The following STARD3NL variants were observed in gnomAD, a reference collection of about 807,000 sequenced individuals.
STARD3NL encodes the protein STARD3 N-terminal-like protein.
In STARD3NL, 17 loss-of-function variants were observed where a neutral mutation model predicts 30.9. The ratio of observed to expected loss-of-function variants is 0.55; its 90% confidence interval spans 0.38 to 0.82. The LOEUF is 0.82. Ranked by LOEUF, STARD3NL falls within the 40% of genes least tolerant of loss-of-function variation. The pLI, the probability that STARD3NL is intolerant of heterozygous loss-of-function variation, is 0.00. For synonymous variants in STARD3NL, 112 were observed against 100.5 expected, an observed-to-expected ratio of 1.11 and a Z score of -0.69; for missense variants, 234 against 277.6, an observed-to-expected ratio of 0.84 and a Z score of 1.12.
At chr7:38,212,417 T>G (rs1204255463) in intron 2 of STARD3NL, among the ~76,000 whole-genome samples, 1 of 152,250 alleles carries the variant, frequency 6.6e-6, no homozygotes, top group Non-Finnish European at 1.5e-5. Flanking sequence ...AGTATCAGTT[T>G]AAATGTCTTC....
chr7:38,200,325 A>T (rs993289694), intron 1 of STARD3NL, among the ~76,000 whole-genome samples: 4 of 152,076 alleles, frequency 2.6e-5, no homozygotes, highest in Non-Finnish European at 5.9e-5. Flanking sequence ...GTCTGCCCTT[A>T]ACCTGCTGTG....
chr7:38,181,602 ATCTTTT>A (rs1784248631), intron 1 of STARD3NL, among the ~76,000 whole-genome samples: 1 of 152,182 alleles, frequency 6.6e-6, no homozygotes, highest in Non-Finnish European at 1.5e-5. Flanking sequence ...AATAGAATTT[ATCTTTT>A]TCTTTAGAAT....
chr7:38,230,351 A>T lies in STARD3NL; in HGVS notation c.*446A>T, dbSNP rs766035620. On this transcript the variant is annotated 3_prime_UTR_variant, in exon 9 of 9. Coordinates refer to ENST00000009041, the MANE Select transcript of STARD3NL (RefSeq NM_032016.4). Reference sequence around the variant, plus strand: ...CACTCTACATTTCCCTTGTTTTTTAACTCATGCACATGTGCTCTTTGTACA... The same window carrying T: ...CACTCTACATTTCCCTTGTTTTTTATCTCATGCACATGTGCTCTTTGTACA... 4.1e-4 allele frequency: 63 copies of T among 152,462 alleles called. 2 individuals are homozygous for T. Among genetic ancestry groups the T allele is most frequent in the Non-Finnish European group, 8.8e-5 (6 of 68,004 alleles). The allele number at this position is 152,462 out of a possible 1,614,324, so 9.4% of individuals were successfully genotyped here. A position where few individuals can be genotyped will look rare whatever the true frequency, so the allele number is the denominator to read the frequency against.
rs1364271592 is a variant in STARD3NL at position 38,229,986 on chromosome 7, G to A, written c.*81G>A. On this transcript the variant is annotated 3_prime_UTR_variant, in exon 9 of 9. Coordinates refer to ENST00000009041, the MANE Select transcript of STARD3NL (RefSeq NM_032016.4). ...AGGCAGGCAGTGGAGTCTCCCTGTC[G>A]ACAGTAAAGTTGAAATGGTGACGTC... 3.3e-5 allele frequency: 5 copies of A among 152,586 alleles called. No homozygotes were observed. Among genetic ancestry groups the A allele is most frequent in the East Asian group, 1.9e-4 (1 of 5,196 alleles). 9.5% of individuals were successfully genotyped at this position (152,586 alleles called of 1,614,324 possible).
At chr7:38,222,386 C>T (rs1786520577) in intron 7 of STARD3NL, among the ~76,000 whole-genome samples, 2 of 152,104 alleles carry the variant, frequency 1.3e-5, no homozygotes, top group Non-Finnish European at 2.9e-5. Context: ...GTTTCTAAAA[C>T]AGTAAAAACT....
At chr7:38,184,419 T>C (rs927145697) in intron 1 of STARD3NL, among the ~76,000 whole-genome samples, 1 of 151,758 alleles carries the variant, frequency 6.6e-6, no homozygotes, top group Non-Finnish European at 1.5e-5. Context: ...GAAGCATGGC[T>C]CGGCTTTTGG....
rs1491554179 is a variant in STARD3NL at position 38,216,482 on chromosome 7, TGA to T, written c.382-541_382-540del. On this transcript the variant is annotated intron_variant, in intron 4 of 8. Transcript: ENST00000009041. ...CTGTGTGTGTGTGTGTGTGTGTGTG[TGA>T]GTGTGTGTGTGTGTGTGTCTGCAAC... The T allele has an allele frequency of 2.4e-3, 354 of 148,136 alleles. 3 individuals are homozygous for T. The highest frequency in any genetic ancestry group is 8.5e-3 in the African/African-American group (335 of 39,396). The allele number at this position is 148,136 out of a possible 1,614,324, so 9.2% of individuals were successfully genotyped here.
chr7:38,199,513 G>C (rs1685725775), intron 1 of STARD3NL, among the ~76,000 whole-genome samples: 1 of 152,208 alleles, frequency 6.6e-6, no homozygotes, highest in Non-Finnish European at 1.5e-5. Context: ...ATACTAGTTA[G>C]TGGGAGAGGC....
chr7:38,190,314 T>C (rs1344125671), intron 1 of STARD3NL, among the ~76,000 whole-genome samples: 1 of 152,188 alleles, frequency 6.6e-6, no homozygotes, highest in Admixed American at 6.5e-5. Context: ...TGTAGTATTT[T>C]TGTAGTTCAA....
chr7:38,208,500 A>T (rs1785618144), intron 2 of STARD3NL, among the ~76,000 whole-genome samples: 2 of 152,230 alleles, frequency 1.3e-5, no homozygotes, highest in Non-Finnish European at 2.9e-5. Flanking sequence ...ACTCATTTTA[A>T]TAATATTTTT....
chr7:38,218,550 A>G (rs1786258456), intron 6 of STARD3NL, among the ~76,000 whole-genome samples: 1 of 152,250 alleles, frequency 6.6e-6, no homozygotes, highest in Non-Finnish European at 1.5e-5. Flanking sequence ...TGAGGCTTGA[A>G]TGGTTATAGG....
intron 4 of STARD3NL, chr7:38,215,695 G>A (rs1786067320): frequency 6.6e-6 from 1 of 152,388 alleles, no homozygotes; most frequent in African/African-American, 2.4e-5. Flanking sequence ...AGTTCTGCCT[G>A]ACAGATGTCT....
At chr7:38,227,456 C>T (rs10269098) in intron 7 of STARD3NL, among the ~76,000 whole-genome samples, 99,690 of 152,100 alleles carry the variant, frequency 0.66, 33,072 homozygotes, top group Admixed American at 0.74. Flanking sequence ...GAGGTTAAAA[C>T]GTTTTCTTCA....
At chr7:38,212,600 T>C (rs1314645237) in intron 2 of STARD3NL, among the ~76,000 whole-genome samples, 1 of 152,170 alleles carries the variant, frequency 6.6e-6, no homozygotes, top group Non-Finnish European at 1.5e-5. Context: ...TCAGCAAATA[T>C]TTGGTGAATG....
intron 1 of STARD3NL, among the ~76,000 whole-genome samples, chr7:38,196,695 C>A (rs919384573): frequency 2.0e-4 from 30 of 151,958 alleles, no homozygotes; most frequent in African/African-American, 7.0e-4. Flanking sequence ...TATTTAAATG[C>A]CTTATAGAAT....
In STARD3NL at chr7:38,207,478, A is replaced by C. The variant is rs767430011; in HGVS notation, c.-27A>C. 16 of 1,607,400 alleles carry C rather than the reference A, an allele frequency of 1.0e-5. No homozygotes were observed. Among genetic ancestry groups the C allele is most frequent in the Non-Finnish European group, 1.4e-5 (16 of 1,175,850 alleles). ...TCTCTTTAGGGATGGTGAGGTTGGAAAAAGGCTCCTGTAACCCTCCTCCAG... is the reference window on the plus strand; with the variant it reads ...TCTCTTTAGGGATGGTGAGGTTGGACAAAGGCTCCTGTAACCCTCCTCCAG... On this transcript the variant is annotated 5_prime_UTR_variant, in exon 2 of 9. Transcript: ENST00000009041.
chr7:38,204,301 C>T (rs2116198792), intron 1 of STARD3NL, among the ~76,000 whole-genome samples: 1 of 152,288 alleles, frequency 6.6e-6, no homozygotes, highest in Non-Finnish European at 1.5e-5. Context: ...GACCACTGTG[C>T]AATCAAACTA....
In STARD3NL at chr7:38,211,719, G is replaced by C. The variant is rs543462392; in HGVS notation, c.226-2638G>C. Among the ~76,000 whole-genome samples the C allele has an allele frequency of 3.3e-5, 5 of 152,284 alleles. No individual in the cohort carries two copies. The East Asian group carries it at 9.6e-4, about 29-fold the overall frequency. ...GTCTACATCACAGCCTCCTTGACCT[G>C]TCCAGTTGGATGTCTGACTTAACAT... On this transcript the variant is annotated intron_variant, in intron 2 of 8. Coordinates refer to ENST00000009041, the MANE Select transcript of STARD3NL (RefSeq NM_032016.4).
At chr7:38,207,401 T>G in intron 1 of STARD3NL, 46 bp from the exon 2 acceptor site, 1 of 896,712 alleles carries the variant, frequency 1.1e-6, no homozygotes, top group Non-Finnish European at 1.7e-6. Context: ...CAGTTATATT[T>G]GATCAGCTTG....
Sources: gnomAD v4.1 joint callset for allele counts (sites outside exome capture counted in the v4.1 genomes callset) on GRCh38, gnomAD v4.1.1 for gene constraint, MANE v1.5 for transcripts, NCBI Gene and HGNC (gene_info 2026-07-23, HGNC 2026-07-21) for gene names.